PTPRT: variants seen among roughly 807,000 people sequenced by gnomAD.
PTPRT encodes protein tyrosine phosphatase receptor type T, also known as receptor-type tyrosine-protein phosphatase T.
Under a neutral mutation model 176.8 loss-of-function variants are expected in PTPRT, and 56 were observed. The observed-to-expected ratio is 0.32, with a 90% confidence interval of 0.26 to 0.40. The LOEUF is 0.40. PTPRT is among the 10% of genes least tolerant of loss of function. PTPRT has a pLI of 1.00. For missense variants in PTPRT, 1,540 were observed against 1,908.2 expected, an observed-to-expected ratio of 0.81 and a Z score of 3.60; for synonymous variants, 783 against 739.0, an observed-to-expected ratio of 1.06 and a Z score of -0.96.
At chr20:42,068,746 T>A (rs1982189046), downstream of PTPRT, among the ~76,000 whole-genome samples, 1 of 152,242 alleles carries the variant, frequency 6.6e-6, no homozygotes, top group Admixed American at 6.5e-5. Context: ...TCCTCCCGGA[T>A]TCACACAATA....
At chr20:42,427,955 T>G (rs1330925848) in intron 9 of PTPRT, among the ~76,000 whole-genome samples, 1 of 152,168 alleles carries the variant, frequency 6.6e-6, no homozygotes, top group East Asian at 1.9e-4. Context: ...TCCATTACCT[T>G]CCCAAATCCT....
chr20:42,859,420 T>C (rs893846499), intron 2 of PTPRT, among the ~76,000 whole-genome samples: 2 of 152,140 alleles, frequency 1.3e-5, no homozygotes, highest in African/African-American at 2.4e-5. Flanking sequence ...ATACCAACAG[T>C]GTATGGCCAC....
Position 42,161,337 on chromosome 20 carries a change from A to G in PTPRT, c.2682+15T>C, listed in dbSNP as rs1210489401. On this transcript the variant is annotated intron_variant, in intron 17 of 30. Coordinates refer to ENST00000373187, the MANE Select transcript of PTPRT (RefSeq NM_007050.6). ...TGAAACTATCAGGAAGTTTCCCCAC[A>G]GGCTGGTCTCTTACCTCGTATTCCT... The G allele has an allele frequency of 5.6e-6, 9 of 1,613,968 alleles. No individual in the cohort carries two copies. Among genetic ancestry groups the G allele is most frequent in the Admixed American group, 1.7e-5 (1 of 60,034 alleles).
intron 9 of PTPRT, among the ~76,000 whole-genome samples, chr20:42,415,037 A>G (rs923332104): frequency 2.6e-5 from 4 of 152,244 alleles, no homozygotes; most frequent in East Asian, 1.9e-4. Context: ...GGAAAATACT[A>G]CAGAATAGAG....
chr20:43,150,223 G>A (rs985206313), intron 1 of PTPRT, among the ~76,000 whole-genome samples: 32 of 152,262 alleles, frequency 2.1e-4, no homozygotes, highest in African/African-American at 5.3e-4. Flanking sequence ...AGCCACACTC[G>A]AAAGGCTGCC....
chr20:42,536,375 T>C (rs1237457911), intron 7 of PTPRT, among the ~76,000 whole-genome samples: 1 of 152,210 alleles, frequency 6.6e-6, no homozygotes, highest in African/African-American at 2.4e-5. Context: ...CATTGGCAGA[T>C]GGCTGACAAT....
At chr20:43,143,303 A>G (rs2014874150) in intron 1 of PTPRT, among the ~76,000 whole-genome samples, 1 of 152,200 alleles carries the variant, frequency 6.6e-6, no homozygotes, top group South Asian at 2.1e-4. Flanking sequence ...CAGCAAATTG[A>G]TCTAATAAAA....
chr20:42,795,855 G>T (rs925212463), intron 2 of PTPRT, among the ~76,000 whole-genome samples: 2 of 152,180 alleles, frequency 1.3e-5, no homozygotes, highest in Non-Finnish European at 1.5e-5. Context: ...GATCAAAGTT[G>T]TTTGTTTTCA....
chr20:42,476,076 A>ATTGT (rs2071283737), intron 7 of PTPRT, among the ~76,000 whole-genome samples: 1 of 152,196 alleles, frequency 6.6e-6, no homozygotes, highest in Middle Eastern at 3.2e-3. Context: ...TAAAGTGGAA[A>ATTGT]TTATTACACT....
intron 7 of PTPRT, among the ~76,000 whole-genome samples, chr20:42,648,824 T>G (rs936989662): frequency 3.8e-5 from 3 of 78,198 alleles, no homozygotes; most frequent in African/African-American, 1.2e-4. Context: ...GTCGTTGTTT[T>G]TTTTTTTTTT....
At chr20:42,895,913 G>A (rs1285135599) in intron 1 of PTPRT, among the ~76,000 whole-genome samples, 10 of 152,156 alleles carry the variant, frequency 6.6e-5, no homozygotes, top group Middle Eastern at 3.4e-3. Context: ...ATACAGTCCC[G>A]TGTATTGCCA....
chr20:42,354,489 G>A (rs1177556181), intron 9 of PTPRT, among the ~76,000 whole-genome samples: 1 of 152,114 alleles, frequency 6.6e-6, no homozygotes, highest in Non-Finnish European at 1.5e-5. Flanking sequence ...ACATTGCCTG[G>A]CCTGTTAACA....
intron 7 of PTPRT, among the ~76,000 whole-genome samples, chr20:42,644,069 G>A (rs1302564642): frequency 3.3e-5 from 5 of 152,058 alleles, no homozygotes; most frequent in South Asian, 4.2e-4. Context: ...GAAGAGACCC[G>A]CAGAAAACCA....
intron 17 of PTPRT, among the ~76,000 whole-genome samples, 193 bp downstream of exon 17, chr20:42,161,159 C>T (rs888609009): frequency 3.3e-5 from 5 of 152,160 alleles, no homozygotes; most frequent in African/African-American, 1.2e-4. Context: ...GTATACAAAT[C>T]ACCTAGTTTC....
chr20:43,120,274 C>A (rs111769254), intron 1 of PTPRT, among the ~76,000 whole-genome samples: 2,430 of 121,358 alleles, frequency 0.02, 65 homozygotes, highest in African/African-American at 0.06. Context: ...ACTTCCAGAT[C>A]CAGTTTTTTT....
chr20:42,826,324 TCCA>T (rs1289742975), intron 2 of PTPRT, among the ~76,000 whole-genome samples: 1 of 152,192 alleles, frequency 6.6e-6, no homozygotes, highest in Non-Finnish European at 1.5e-5. Flanking sequence ...CCGTGAACAT[TCCA>T]ATGTTCATCC....
At chr20:42,296,999 CA>C (rs1190571034) in intron 12 of PTPRT, among the ~76,000 whole-genome samples, 1 of 149,216 alleles carries the variant, frequency 6.7e-6, no homozygotes, top group Non-Finnish European at 1.5e-5. Context: ...TAAAAAATTT[CA>C]AAAAAAGGTG....
At chr20:42,717,905 G>T (rs553926260) in intron 6 of PTPRT, among the ~76,000 whole-genome samples, 20 of 152,158 alleles carry the variant, frequency 1.3e-4, no homozygotes, top group Non-Finnish European at 2.9e-4. Context: ...GTGCACACGC[G>T]CATATGTAAA....
At chr20:42,209,875 G>T (rs2055576844) in intron 15 of PTPRT, among the ~76,000 whole-genome samples, 1 of 152,082 alleles carries the variant, frequency 6.6e-6, no homozygotes, top group South Asian at 2.1e-4. Context: ...TATCCTTGAT[G>T]AACATTGATG....
Sources: allele counts gnomAD v4.1 joint callset (sites outside exome capture counted in the v4.1 genomes callset), GRCh38; gene constraint gnomAD v4.1.1; transcripts MANE v1.5; gene names NCBI Gene and HGNC (gene_info 2026-07-23, HGNC 2026-07-21).